Variants in PHF2 observed in about 807,000 individuals in gnomAD.
PHF2 encodes the protein PHD finger protein 2.
A neutral mutation model predicts 120.5 loss-of-function variants in PHF2; 27 were observed. The observed-to-expected ratio is 0.22, with a 90% CI of 0.17 to 0.31. The LOEUF is 0.31. Among genes scored for constraint, PHF2 ranks in the 10% least tolerant of loss-of-function variants. PHF2 has a pLI of 1.00. For synonymous variants in PHF2, 568 were observed against 592.5 expected (o/e 0.96, Z 0.60); for missense variants, 1,024 against 1,434.8 (o/e 0.71, Z 4.63).
intron 1 of PHF2, among the ~76,000 whole-genome samples, chr9:93,611,932 C>T (rs1441336222): frequency 2.0e-5 from 3 of 152,348 alleles, no homozygotes; most frequent in South Asian, 4.1e-4. Flanking sequence ...CTGCTGAGCA[C>T]AGCCACCAAA....
chr9:93,677,131 C>T lies in PHF2; in HGVS notation c.3202+168C>T, dbSNP rs550360819. ...CAAGTTGGTTGCATCTTTGTGTGAGCGTATCCCACAGTACAGGACGTGTGC... is the reference window on the plus strand; with the variant it reads ...CAAGTTGGTTGCATCTTTGTGTGAGTGTATCCCACAGTACAGGACGTGTGC... On this transcript the variant is annotated intron_variant, in intron 21 of 21. Transcript: ENST00000359246. The surrounding 1 kb of genome is among the most constrained non-coding windows in gnomAD (Gnocchi z 4.4). Among the ~76,000 whole-genome samples, 32 of 147,446 alleles carry T rather than the reference C, an allele frequency of 2.2e-4. No individual in the cohort carries two copies. Among genetic ancestry groups the T allele is most frequent in the Non-Finnish European group, 3.3e-4 (22 of 67,084 alleles).
At chr9:93,587,462 G>GGATGGAGGAGCCCTGGGTGAGGGAT (rs1863070756) in intron 1 of PHF2, among the ~76,000 whole-genome samples, 5 of 147,936 alleles carry the variant, frequency 3.4e-5, no homozygotes, top group African/African-American at 1.3e-4. Flanking sequence ...CCTGGATGAG[G>GGATGGAGGAGCCCTGGGTGAGGGAT]GATGGAGGAG....
intron 1 of PHF2, among the ~76,000 whole-genome samples, chr9:93,624,708 GTGA>G (rs1026843073): frequency 1.7e-4 from 25 of 150,580 alleles, no homozygotes; most frequent in East Asian, 1.2e-3. Flanking sequence ...GGTGGTAGAG[GTGA>G]TGATGATGAT....
intron 1 of PHF2, among the ~76,000 whole-genome samples, chr9:93,581,836 T>C (rs1465171300): frequency 6.6e-6 from 1 of 152,132 alleles, no homozygotes; most frequent in Non-Finnish European, 1.5e-5. Flanking sequence ...TGCCTCGACA[T>C]GTGCCAGGTC....
At position 93,654,542 on chromosome 9, in the gene PHF2, G is replaced by A. The variant is rs1336490339; in HGVS notation, c.919G>A (p.Val307Ile). 26 of 1,613,868 alleles carry A rather than the reference G, an allele frequency of 1.6e-5. No individual in the cohort carries two copies. The highest frequency in any genetic ancestry group is 1.0e-4 in the Admixed American group (6 of 60,010). Residue 307 changes from valine to isoleucine, a missense_variant, in exon 7 of 22, where the codon GTC (valine) becomes ATC (isoleucine). Val to Ile is a conservative substitution (Grantham distance 29). Coordinates refer to ENST00000359246, the MANE Select transcript of PHF2 (RefSeq NM_005392.4). ...GGTCGACAAATGCTACAAGTGCATC[G>A]TCAAGCAGGGCCAGACCCTCTTCAT... The part of the protein sequence containing the change: ...DQVDKCYKCI[V>I]KQGQTLFIPS...
Position 93,654,537 on chromosome 9 carries a change from G to A in PHF2, c.914G>A (p.Cys305Tyr). The change falls in exon 7 of 22, where the codon TGC (cysteine) becomes TAC (tyrosine). Residue 305 changes from cysteine to tyrosine, a missense_variant. Physicochemically the swap from Cys to Tyr is radical, Grantham distance 194 (BLOSUM62 -2). This residue lies in a region of PHF2 where 347 missense variants were observed against 577.4 expected (regional missense o/e 0.60). Transcript: ENST00000359246. ...GACCAGGTCGACAAATGCTACAAGTGCATCGTCAAGCAGGGCCAGACCCTC... is the reference window on the plus strand; with the variant it reads ...GACCAGGTCGACAAATGCTACAAGTACATCGTCAAGCAGGGCCAGACCCTC... ...FADQVDKCYK[C>Y]IVKQGQTLFI... 1 of 1,614,030 alleles carries A rather than the reference G, an allele frequency of 6.2e-7. No homozygotes were observed. Among genetic ancestry groups the A allele is most frequent in the Non-Finnish European group, 8.5e-7 (1 of 1,180,034 alleles).
At chr9:93,636,643 G>A (rs368801839) in intron 3 of PHF2, 118 bp downstream of exon 3, 1 of 788,924 alleles carries the variant, frequency 1.3e-6, no homozygotes. Context: ...TGGAAAGCAG[G>A]AAGCAGGAAG....
rs952231068 is a variant in PHF2, at chr9:93,581,543, G to A, written c.98+4672G>A. Among the ~76,000 whole-genome samples the A allele has an allele frequency of 2.6e-5, 4 of 152,210 alleles. No individual in the cohort carries two copies. The East Asian group carries it at 5.8e-4, about 22-fold the overall frequency. ...AGGAGGTGGGAAGAATGTCAGGCCAGCTTCTAGAGGGTAAAGTAGACATCC... is the reference window on the plus strand; with the variant it reads ...AGGAGGTGGGAAGAATGTCAGGCCAACTTCTAGAGGGTAAAGTAGACATCC... On this transcript the variant is annotated intron_variant, in intron 1 of 21. Coordinates refer to ENST00000359246, the MANE Select transcript of PHF2 (RefSeq NM_005392.4).
In PHF2 at chr9:93,597,561, C is replaced by T. The variant is rs998082454; in HGVS notation, c.98+20690C>T. Among the ~76,000 whole-genome samples the T allele has an allele frequency of 1.2e-4, 18 of 152,060 alleles. 1 individual carries two copies. Among genetic ancestry groups the T allele is most frequent in the African/African-American group, 4.1e-4 (17 of 41,384 alleles). ...GGTTGGGGGTGGCATTGGGGGCAGG[C>T]AGTGGGACATTGGTCCACAGCATGG... On this transcript the variant is annotated intron_variant, in intron 1 of 21. Transcript: ENST00000359246.
At chr9:93,650,174 C>A (rs907485992) in intron 5 of PHF2, among the ~76,000 whole-genome samples, 1 of 151,904 alleles carries the variant, frequency 6.6e-6, no homozygotes, top group Admixed American at 6.6e-5. Context: ...CTCGCCAACA[C>A]ACCTGTGACA....
At chr9:93,608,518 A>G (rs952104353) in intron 1 of PHF2, among the ~76,000 whole-genome samples, 8 of 152,062 alleles carry the variant, frequency 5.3e-5, no homozygotes, top group African/African-American at 1.9e-4. Context: ...TAGAAAGTTG[A>G]TATAATTTAT....
intron 1 of PHF2, among the ~76,000 whole-genome samples, chr9:93,605,387 A>G (rs1435033455): frequency 6.6e-6 from 1 of 152,136 alleles, no homozygotes; most frequent in Non-Finnish European, 1.5e-5. Flanking sequence ...CTGGCCTTCT[A>G]TGGGTTTTGA....
chr9:93,668,227 C>T (rs561095373), intron 17 of PHF2, among the ~76,000 whole-genome samples: 127 of 152,286 alleles, frequency 8.3e-4, no homozygotes, highest in Non-Finnish European at 1.3e-3. Context: ...GCTTCCATAG[C>T]GCCTTAGGGG....
rs117136777 is a variant in PHF2 at position 93,663,053 on chromosome 9, C to T, written c.1818+27C>T. On this transcript the variant is annotated intron_variant, in intron 13 of 21. Coordinates refer to ENST00000359246, the MANE Select transcript of PHF2 (RefSeq NM_005392.4). The stretch of plus-strand genomic sequence containing the variant: ...TGAGAAGTGCACATATGCATGCACA[C>T]GTGTGTGTGTCAGCTTGGTGAGTGT... 1.7e-5 allele frequency: 27 copies of T among 1,612,560 alleles called. No homozygotes were observed. In the East Asian group the frequency reaches 2.0e-4, roughly 12 times the overall value.
chr9:93,622,360 G>A (rs1433113419), intron 1 of PHF2, among the ~76,000 whole-genome samples: 1 of 152,210 alleles, frequency 6.6e-6, no homozygotes, highest in East Asian at 1.9e-4. Context: ...TCCTAATCCT[G>A]CAACTTTAAG....
At chr9:93,649,599 T>A (rs756937327) in intron 5 of PHF2, among the ~76,000 whole-genome samples, 3 of 151,744 alleles carry the variant, frequency 2.0e-5, no homozygotes, top group Non-Finnish European at 4.4e-5. Context: ...CTCAGACACA[T>A]CTATGACACA....
chr9:93,593,890 C>T (rs1201136619), intron 1 of PHF2, among the ~76,000 whole-genome samples: 3 of 152,240 alleles, frequency 2.0e-5, no homozygotes, highest in African/African-American at 7.2e-5. Context: ...TACGTTTTTC[C>T]TACCACTTTT....
At chr9:93,645,552 C>A in intron 3 of PHF2, 77 bp from the exon 4 acceptor site, 2 of 1,427,392 alleles carry the variant, frequency 1.4e-6, no homozygotes, top group Non-Finnish European at 1.9e-6. Flanking sequence ...CTCTCCAGCA[C>A]CGAGGCCCTG....
intron 3 of PHF2, among the ~76,000 whole-genome samples, chr9:93,645,176 T>C (rs966153148): frequency 1.3e-5 from 2 of 152,186 alleles, no homozygotes; most frequent in African/African-American, 4.8e-5. Context: ...TGGCTCTTGT[T>C]CCTGAGCTGT....
Sources: allele counts gnomAD v4.1 joint callset (sites outside exome capture counted in the v4.1 genomes callset), GRCh38; gene constraint gnomAD v4.1.1; regional missense constraint gnomAD v4.1.1; non-coding constraint Gnocchi (gnomAD v3.1); transcripts MANE v1.5; gene names NCBI Gene and HGNC (gene_info 2026-07-23, HGNC 2026-07-21).